SLC4A8: variants seen among roughly 807,000 people sequenced by gnomAD.
SLC4A8 encodes electroneutral sodium bicarbonate exchanger 1.
A neutral mutation model predicts 125.0 loss-of-function variants in SLC4A8; 40 were observed. That is an observed-to-expected ratio of 0.32 (90% CI 0.25 to 0.42). SLC4A8 has a LOEUF of 0.42. Among genes scored for constraint, SLC4A8 ranks in the 10% least tolerant of loss-of-function variants. The pLI, the probability that SLC4A8 is intolerant of heterozygous loss-of-function variation, is 1.00. For missense variants in SLC4A8, 863 were observed against 1,355.1 expected, an observed-to-expected ratio of 0.64 and a Z score of 5.70; for synonymous variants, 456 against 476.0, an observed-to-expected ratio of 0.96 and a Z score of 0.55.
At chr12:51,419,416 G>C (rs1948742451) in intron 1 of SLC4A8, among the ~76,000 whole-genome samples, 1 of 152,188 alleles carries the variant, frequency 6.6e-6, no homozygotes, top group Non-Finnish European at 1.5e-5. Flanking sequence ...ATAAGATGTG[G>C]AGTGAAATCA....
chr12:51,452,768 T>A (rs7305295), intron 4 of SLC4A8, among the ~76,000 whole-genome samples: 2,395 of 152,044 alleles, frequency 0.016, 30 homozygotes, highest in Middle Eastern at 0.024. Context: ...GTAGGCTTCC[T>A]GAAGTGGTTG....
chr12:51,503,974 G>C, intron 22 of SLC4A8, 55 bp from the exon 23 acceptor site: 1 of 939,880 alleles, frequency 1.1e-6, no homozygotes, highest in Non-Finnish European at 1.7e-6. Flanking sequence ...GAATGGGCTG[G>C]TGAACTTATG....
chr12:51,507,512 GTC>G lies in SLC4A8; in HGVS notation c.*79_*80del. ...GTTCTGGTTACAGAGAAAATGGCGA[GTC>G]TCTCAGAGAAGAAGCAAGACCAAGT... On this transcript the variant is annotated 3_prime_UTR_variant, in exon 25 of 25. Transcript: ENST00000453097. 1.8e-6 allele frequency: 2 copies of G among 1,114,216 alleles called. No individual in the cohort carries two copies. The highest frequency in any genetic ancestry group is 1.2e-6 in the Non-Finnish European group (1 of 830,530). 69.0% of individuals were successfully genotyped at this position (1,114,216 alleles called of 1,614,324 possible). A position where few individuals can be genotyped will look rare whatever the true frequency, so the allele number is the denominator to read the frequency against.
chr12:51,402,550 C>T (rs1418289175), intron 1 of SLC4A8, among the ~76,000 whole-genome samples: 7 of 152,142 alleles, frequency 4.6e-5, no homozygotes, highest in Admixed American at 2.0e-4. Flanking sequence ...GGTGAAACCC[C>T]GTCCCTACTA....
intron 1 of SLC4A8, among the ~76,000 whole-genome samples, chr12:51,392,579 A>AAAAAG (rs1555183487): frequency 6.6e-6 from 1 of 151,014 alleles, no homozygotes; most frequent in Non-Finnish European, 1.5e-5. Flanking sequence ...ATCAAAAAAA[A>AAAAAG]AAAAAAAGAA....
chr12:51,424,919 C>G lies in SLC4A8; in HGVS notation c.-69C>G. ...CGCCGTTCGAGTGATCTGCTCAGAC[C>G]CGACCAGAGGGCGCGGGCTGCTGAT... On this transcript the variant is annotated 5_prime_UTR_variant, in exon 1 of 25. Coordinates refer to ENST00000453097, the MANE Select transcript of SLC4A8 (RefSeq NM_001039960.3). The G allele has an allele frequency of 6.6e-7, 1 of 1,520,894 alleles. No individual in the cohort carries two copies. 94.2% of individuals were successfully genotyped at this position (1,520,894 alleles called of 1,614,324 possible).
At chr12:51,480,479 G>A in intron 16 of SLC4A8, 1 of 1,054,432 alleles carries the variant, frequency 9.5e-7, no homozygotes, top group Non-Finnish European at 1.1e-6. Flanking sequence ...CTCTGTGTGA[G>A]ACATGGTGGT....
chr12:51,508,226 A>C lies in SLC4A8; in HGVS notation c.*788A>C, dbSNP rs951366724. 3 of 152,236 alleles carry C rather than the reference A, an allele frequency of 2.0e-5. No individual in the cohort carries two copies. The highest frequency in any genetic ancestry group is 4.4e-5 in the Non-Finnish European group (3 of 68,054). The allele number at this position is 152,236 out of a possible 1,614,324, so 9.4% of individuals were successfully genotyped here. On this transcript the variant is annotated 3_prime_UTR_variant, in exon 25 of 25. Coordinates refer to ENST00000453097, the MANE Select transcript of SLC4A8 (RefSeq NM_001039960.3). ...GGATGAGCAGTGTCTCTTGGTTTTC[A>C]TTGAGGATAGAGTAAGAGATTGAGT... is the stretch of plus-strand genomic sequence containing the variant.
chr12:51,455,737 C>T (rs1478600059), intron 5 of SLC4A8, among the ~76,000 whole-genome samples: 1 of 152,148 alleles, frequency 6.6e-6, no homozygotes, highest in East Asian at 1.9e-4. Flanking sequence ...TAGGAGGACC[C>T]AGGGGAGGGG....
At chr12:51,442,210 A>G (rs1949621938) in intron 2 of SLC4A8, among the ~76,000 whole-genome samples, 1 of 152,214 alleles carries the variant, frequency 6.6e-6, no homozygotes, top group Non-Finnish European at 1.5e-5. Context: ...AAGAGAGGAC[A>G]GTAACTGTCA....
chr12:51,510,668 T>G lies in SLC4A8; in HGVS notation c.*3230T>G, dbSNP rs1938335898. Reference sequence around the variant, plus strand: ...TGACATCAGACTCAACTTTGTCCCCTCTCTTTCTTTTCATGCAAGAGACTT... The same window carrying G: ...TGACATCAGACTCAACTTTGTCCCCGCTCTTTCTTTTCATGCAAGAGACTT... On this transcript the variant is annotated 3_prime_UTR_variant, in exon 25 of 25. Coordinates refer to ENST00000453097, the MANE Select transcript of SLC4A8 (RefSeq NM_001039960.3). The G allele has an allele frequency of 6.6e-6, 1 of 152,202 alleles. No individual in the cohort carries two copies. Among genetic ancestry groups the G allele is most frequent in the South Asian group, 2.1e-4 (1 of 4,832 alleles). 9.4% of individuals were successfully genotyped at this position (152,202 alleles called of 1,614,324 possible).
Position 51,471,565 on chromosome 12 carries a change from G to A in SLC4A8, c.1904+33G>A, listed in dbSNP as rs1390985116. On this transcript the variant is annotated intron_variant, in intron 14 of 24. Coordinates refer to ENST00000453097, the MANE Select transcript of SLC4A8 (RefSeq NM_001039960.3). ...TGCTTTCTGCTTATTTTTAAAAATT[G>A]AGCAAAGGGCCTGAGTTTAATTGCT... The A allele has an allele frequency of 4.4e-6, 7 of 1,599,782 alleles. No homozygotes were observed. In the East Asian group the frequency reaches 1.6e-4, roughly 36 times the overall value.
chr12:51,458,660 G>T lies in SLC4A8; in HGVS notation c.855+10G>T, dbSNP rs200937098. On this transcript the variant is annotated intron_variant, in intron 7 of 24. Transcript: ENST00000453097. ...TGTGGATTTAAGCAAGGTGAGCAGA[G>T]TGGTGGGAAGTTGGCTTCAAGGCCT... 36 of 1,598,940 alleles carry T rather than the reference G, an allele frequency of 2.3e-5. No homozygotes were observed. In the African/African-American group the frequency reaches 4.4e-4, roughly 20 times the overall value.
chr12:51,414,416 C>T (rs765471085), intron 1 of SLC4A8, among the ~76,000 whole-genome samples: 5 of 152,084 alleles, frequency 3.3e-5, no homozygotes, highest in African/African-American at 9.7e-5. Flanking sequence ...TTATTTGTTT[C>T]TCTTGCCTGA....
intron 16 of SLC4A8, among the ~76,000 whole-genome samples, chr12:51,476,178 G>A (rs989254870): frequency 1.3e-5 from 2 of 152,214 alleles, no homozygotes; most frequent in Non-Finnish European, 1.5e-5. Flanking sequence ...TGTATTTGTA[G>A]TTTATTTAAA....
chr12:51,411,357 G>C (rs1948594824), intron 1 of SLC4A8, among the ~76,000 whole-genome samples: 1 of 152,092 alleles, frequency 6.6e-6, no homozygotes, highest in Non-Finnish European at 1.5e-5. Context: ...GGAGGCTGAG[G>C]TGGGTGGATT....
chr12:51,493,529 G>A (rs1231395609), intron 19 of SLC4A8, among the ~76,000 whole-genome samples, 175 bp from the exon 20 acceptor site: 1 of 152,114 alleles, frequency 6.6e-6, no homozygotes, highest in Non-Finnish European at 1.5e-5. Context: ...ATCATTGTCA[G>A]CTTCTGCTTT....
At chr12:51,486,642 T>C (rs1295871540) in intron 17 of SLC4A8, among the ~76,000 whole-genome samples, 2 of 152,172 alleles carry the variant, frequency 1.3e-5, no homozygotes, top group Admixed American at 1.3e-4. Flanking sequence ...AGAGAAAATC[T>C]GTGCGTACTC....
rs145845160 is a variant in SLC4A8 at position 51,408,165 on chromosome 12, TG to T, written c.-112+16682del. 1.8e-3 allele frequency among the ~76,000 whole-genome samples: 281 copies of T among 152,324 alleles called. 1 individual carries two copies. Among genetic ancestry groups the T allele is most frequent in the African/African-American group, 6.5e-3 (269 of 41,566 alleles). On this transcript the variant is annotated intron_variant, in intron 1 of 24. Transcript: ENST00000358657. ...CAAATAAGGTTATATTCTTAGGTAC[TG>T]GGGGCTAGGGGTTAGGACTTCACCA...
Sources: gnomAD v4.1 joint callset for allele counts (sites outside exome capture counted in the v4.1 genomes callset) on GRCh38, gnomAD v4.1.1 for gene constraint, MANE v1.5 for transcripts, NCBI Gene and HGNC (gene_info 2026-07-23, HGNC 2026-07-21) for gene names.